RSF1: variants seen among roughly 807,000 people sequenced by gnomAD.
The protein encoded by RSF1 is HBV pX-associated protein 8.
In RSF1, 13 loss-of-function variants were observed where a neutral mutation model predicts 145.2. The observed-to-expected ratio is 0.09, with a 90% CI of 0.06 to 0.14. RSF1 has a LOEUF of 0.14. Ranked by LOEUF, RSF1 falls within the 10% of genes least tolerant of loss-of-function variation. The pLI, the probability that RSF1 is intolerant of heterozygous loss-of-function variation, is 1.00. For synonymous variants in RSF1, 577 were observed against 592.6 expected (o/e 0.97, Z 0.38); for missense variants, 1,517 against 1,718.2 (o/e 0.88, Z 2.07).
In RSF1 at chr11:77,683,768, A is replaced by T; in HGVS notation, c.3007T>A (p.Ser1003Thr). 2 of 1,613,112 alleles carry T rather than the reference A, an allele frequency of 1.2e-6. No individual in the cohort carries two copies. The highest frequency in any genetic ancestry group is 1.7e-6 in the Non-Finnish European group (2 of 1,179,884). The change falls in exon 11 of 16, where the codon TCC (serine) becomes ACC (threonine). Residue 1003 changes from serine (S) to threonine (T), a missense_variant. This residue lies in a region of RSF1 where 231 missense variants were observed against 276.6 expected (regional missense o/e 0.84). Transcript: ENST00000308488. ...QEEKKKDSKK[S>T]KANLLERRST... ...CTCCTTTCAAGCAAGTTTGCTTTGG[A>T]TTTTTTTGAATCTTTTTTCTTTTCT...
At chr11:77,834,733 G>A in the RSF1 span, among the ~76,000 whole-genome samples, 1 of 151,952 alleles carries the variant, frequency 6.6e-6, no homozygotes, top group Admixed American at 6.6e-5. Context: ...GGATTTTAAG[G>A]GTAATTCAAA....
intron 6 of RSF1, 35 bp from the exon 7 acceptor site, chr11:77,698,728 T>C: frequency 6.5e-7 from 1 of 1,549,556 alleles, no homozygotes; most frequent in Non-Finnish European, 8.9e-7. Flanking sequence ...GATAATTTGA[T>C]ATAAGAATGT....
At chr11:77,833,075 A>G in the RSF1 span, among the ~76,000 whole-genome samples, 2 of 138,640 alleles carry the variant, frequency 1.4e-5, no homozygotes, top group African/African-American at 5.5e-5. Context: ...GCAATGGCAG[A>G]TCTCATATCA....
At chr11:77,758,728 T>C (rs1475884048) in intron 2 of RSF1, among the ~76,000 whole-genome samples, 1 of 152,236 alleles carries the variant, frequency 6.6e-6, no homozygotes, top group East Asian at 1.9e-4. Context: ...TTTTTGATCT[T>C]TGTGTATCTT....
At chr11:77,693,371 G>C in intron 8 of RSF1, 136 bp downstream of exon 8, 1 of 525,042 alleles carries the variant, frequency 1.9e-6, no homozygotes, top group East Asian at 3.1e-5. Flanking sequence ...ATTAATAAAA[G>C]GTAGAAATCT....
the RSF1 span, chr11:77,870,098 C>T: frequency 5.4e-5 from 10 of 183,986 alleles, no homozygotes; most frequent in Non-Finnish European, 1.1e-4. Flanking sequence ...ACTTTATATC[C>T]TCATAGTATA....
chr11:77,727,621 C>T (rs781489968), intron 4 of RSF1, among the ~76,000 whole-genome samples: 28 of 151,830 alleles, frequency 1.8e-4, no homozygotes, highest in Non-Finnish European at 3.5e-4. Flanking sequence ...GGATTACAGG[C>T]ACCCATCACC....
intron 7 of RSF1, among the ~76,000 whole-genome samples, chr11:77,696,761 T>G (rs375701895): frequency 5.0e-4 from 76 of 152,320 alleles, no homozygotes; most frequent in African/African-American, 1.8e-3. Context: ...ATAAAAATAT[T>G]GACTTAACTT....
intron 1 of RSF1, among the ~76,000 whole-genome samples, chr11:77,767,196 TG>T (rs1948235401): frequency 6.6e-6 from 1 of 152,234 alleles, no homozygotes; most frequent in Non-Finnish European, 1.5e-5. Flanking sequence ...ATTTCTCTTC[TG>T]TTTTAAAACC....
At chr11:77,673,393 G>A (rs766350598) in intron 14 of RSF1, among the ~76,000 whole-genome samples, 1 of 152,322 alleles carries the variant, frequency 6.6e-6, no homozygotes, top group East Asian at 1.9e-4. Flanking sequence ...ACCGAAGTAC[G>A]ACATTCAAGC....
At chr11:77,672,728 G>A (rs977566075) in intron 14 of RSF1, among the ~76,000 whole-genome samples, 4 of 152,104 alleles carry the variant, frequency 2.6e-5, no homozygotes, top group Admixed American at 2.6e-4. Flanking sequence ...TGTCGCCCAG[G>A]CTGGAGTGCA....
At chr11:77,675,528 G>C (rs1959678959) in intron 13 of RSF1, among the ~76,000 whole-genome samples, 2 of 152,182 alleles carry the variant, frequency 1.3e-5, no homozygotes, top group African/African-American at 4.8e-5. Flanking sequence ...ATATTCAAAA[G>C]TGAATTCATT....
the RSF1 span, chr11:77,872,027 G>A: frequency 1.3e-6 from 1 of 781,626 alleles, no homozygotes; most frequent in Non-Finnish European, 1.9e-6. Flanking sequence ...GGGGCTCACT[G>A]CCAAATTTTG....
At chr11:77,863,283 G>T in the RSF1 span, among the ~76,000 whole-genome samples, 1 of 152,196 alleles carries the variant, frequency 6.6e-6, no homozygotes, top group Non-Finnish European at 1.5e-5. Context: ...GCGCTCAGGA[G>T]CACAGCAGAC....
At chr11:77,711,355 C>T (rs1960679082) in intron 5 of RSF1, among the ~76,000 whole-genome samples, 1 of 152,068 alleles carries the variant, frequency 6.6e-6, no homozygotes, top group African/African-American at 2.4e-5. Context: ...TTACCAATGT[C>T]ATTAAAGAAA....
At chr11:77,690,044 C>T (rs535909977) in intron 9 of RSF1, among the ~76,000 whole-genome samples, 3 of 152,060 alleles carry the variant, frequency 2.0e-5, no homozygotes, top group Admixed American at 6.6e-5. Flanking sequence ...TGCCTGTAGT[C>T]CCAGCTACTC....
At chr11:77,813,895 A>G (rs1948757023) in intron 1 of RSF1, among the ~76,000 whole-genome samples, 1 of 151,982 alleles carries the variant, frequency 6.6e-6, no homozygotes, top group South Asian at 2.1e-4. Flanking sequence ...ACACATCCCT[A>G]AACTCAGGAT....
the RSF1 span, among the ~76,000 whole-genome samples, chr11:77,845,622 G>A: frequency 6.6e-5 from 10 of 152,160 alleles, no homozygotes; most frequent in Non-Finnish European, 1.2e-4. Context: ...TAGAGACAGG[G>A]TTTTACCATG....
chr11:77,850,231 G>A, the RSF1 span, among the ~76,000 whole-genome samples: 2 of 152,262 alleles, frequency 1.3e-5, no homozygotes, highest in African/African-American at 4.8e-5. Context: ...AAAATGTAAG[G>A]TCTTCAAGCA....
Sources: allele counts gnomAD v4.1 joint callset (sites outside exome capture counted in the v4.1 genomes callset), GRCh38; gene constraint gnomAD v4.1.1; regional missense constraint gnomAD v4.1.1; transcripts MANE v1.5; gene names NCBI Gene and HGNC (gene_info 2026-07-23, HGNC 2026-07-21).